The following TPR variants were observed in gnomAD, a reference collection of about 807,000 sequenced individuals.
The protein encoded by TPR is nucleoprotein TPR.
TPR carries 51 observed loss-of-function variants against 316.1 expected under a neutral mutation model. The ratio of observed to expected loss-of-function variants is 0.16; its 90% confidence interval spans 0.13 to 0.20. The LOEUF is 0.20. Among genes scored for constraint, TPR ranks in the 10% least tolerant of loss-of-function variants. The pLI, the probability that TPR is intolerant of heterozygous loss-of-function variation, is 1.00. For missense variants in TPR, 2,272 were observed against 2,754.8 expected (o/e 0.82, Z 3.92); for synonymous variants, 981 against 914.7 (o/e 1.07, Z -1.31).
intron 45 of TPR, among the ~76,000 whole-genome samples, chr1:186,321,777 A>C (rs1022818826): frequency 1.3e-5 from 2 of 151,468 alleles, no homozygotes; most frequent in Non-Finnish European, 2.9e-5. Context: ...TTTACATTAC[A>C]GTTAGTTGCT....
chr1:186,327,579 G>C lies in TPR; in HGVS notation c.5770C>G (p.Gln1924Glu). The change falls in exon 40 of 51, where the codon CAA becomes GAA. Residue 1924 changes from glutamine (Q) to glutamate (E), a missense_variant. Gln to Glu is a conservative substitution (Grantham distance 29). Transcript: ENST00000367478. ...GAAGTTGTCGTCTGCTGATCTGATT[G>C]AAGTGGCCCAAGATCTATTTGTAGA... Reference protein sequence around the residue: ...QSLQIDLGPLQSDQQTTTSSQ... With the variant: ...QSLQIDLGPLESDQQTTTSSQ... 1.2e-6 allele frequency: 2 copies of C among 1,612,670 alleles called. No homozygotes were observed. Among genetic ancestry groups the C allele is most frequent in the South Asian group, 2.2e-5 (2 of 91,066 alleles).
chr1:186,366,442 T>C (rs1186525821), intron 4 of TPR, among the ~76,000 whole-genome samples: 1 of 152,214 alleles, frequency 6.6e-6, no homozygotes, highest in African/African-American at 2.4e-5. Context: ...CTACTGTGTA[T>C]GTTATTGGTA....
chr1:186,315,206 C>CA (rs200336536), intron 49 of TPR, among the ~76,000 whole-genome samples: 17,324 of 110,924 alleles, frequency 0.16, 1,212 homozygotes, highest in Middle Eastern at 0.3. Context: ...GGCCCTGTCT[C>CA]AAAAAAAAAA....
At chr1:186,339,608 T>C (rs1437013851) in intron 30 of TPR, 34 bp downstream of exon 30, 5 of 1,449,178 alleles carry the variant, frequency 3.5e-6, no homozygotes, top group Non-Finnish European at 3.6e-6. Flanking sequence ...ACTTCTTTTA[T>C]ATTATATATG....
intron 21 of TPR, 62 bp from the exon 22 acceptor site, chr1:186,347,520 T>A (rs866224801): frequency 6.5e-7 from 1 of 1,528,462 alleles, no homozygotes; most frequent in Non-Finnish European, 8.8e-7. Flanking sequence ...ATGACTGTTA[T>A]AAAGAGCTTA....
In TPR at chr1:186,335,691, G is replaced by A. The variant is rs533485280; in HGVS notation, c.4706-148C>T. 773 of 501,236 alleles carry A rather than the reference G, an allele frequency of 1.5e-3. 2 individuals carry two copies. The highest frequency in any genetic ancestry group is 2.2e-3 in the Non-Finnish European group (662 of 296,064). 31.0% of individuals were successfully genotyped at this position (501,236 alleles called of 1,614,324 possible). On this transcript the variant is annotated intron_variant, in intron 33 of 50. Transcript: ENST00000367478. ...TACATCATACATCTCAATGAGCAAA[G>A]TTCTAAGTACATTCATGCTTTAACT...
At chr1:186,362,790 T>C (rs897063466) in intron 6 of TPR, 47 bp downstream of exon 6, 6 of 1,487,550 alleles carry the variant, frequency 4.0e-6, no homozygotes, top group South Asian at 3.8e-5. Context: ...GACATACAAA[T>C]GTAAGTTATA....
rs535292389 is a variant in TPR, at chr1:186,325,912, G to A, written c.6022-58C>T. On this transcript the variant is annotated intron_variant, in intron 41 of 50. Coordinates refer to ENST00000367478, the MANE Select transcript of TPR (RefSeq NM_003292.3). Reference sequence around the variant, plus strand: ...ATAAAATAAATATGTTAAAAAAACCGGACAGAATAATTAACCAAACCAAAC... The same window carrying A: ...ATAAAATAAATATGTTAAAAAAACCAGACAGAATAATTAACCAAACCAAAC... 296 of 1,584,400 alleles carry A rather than the reference G, an allele frequency of 1.9e-4. 1 individual carries two copies. The highest frequency in any genetic ancestry group is 3.0e-4 in the Admixed American group (17 of 56,546).
chr1:186,360,013 GGTT>G lies in TPR; in HGVS notation c.1192-20_1192-18del, dbSNP rs1659136400. 1.9e-6 allele frequency: 3 copies of G among 1,599,492 alleles called. No individual in the cohort carries two copies. The highest frequency in any genetic ancestry group is 2.7e-5 in the African/African-American group (2 of 74,022). ...ATTATAGAGCTGAAAGTAGACAAAG[GGTT>G]GTTTCAAATCTAACCATAACAACGC... On this transcript the variant is annotated intron_variant, in intron 11 of 50. Transcript: ENST00000367478.
In TPR at chr1:186,355,496, C is replaced by T. The variant is rs1487020429; in HGVS notation, c.2085G>A (p.Glu695=). Residue 695 remains glutamate, a synonymous_variant, in exon 17 of 51, where the codon GAG becomes GAA. Coordinates refer to ENST00000367478, the MANE Select transcript of TPR (RefSeq NM_003292.3). ...CTTGTTCTTGAAGTTTCTCAAGCTG[C>T]TCATTTTGTATTTTTTCATTTTCTG... ...EKAENEKIQN[E]QLEKLQEQVT... The T allele has an allele frequency of 1.9e-6, 3 of 1,612,396 alleles. No homozygotes were observed. The highest frequency in any genetic ancestry group is 2.5e-6 in the Non-Finnish European group (3 of 1,179,726).
intron 18 of TPR, among the ~76,000 whole-genome samples, chr1:186,352,777 T>C (rs1271500597): frequency 6.6e-6 from 1 of 152,178 alleles, no homozygotes. Context: ...GTTCAAGTCC[T>C]AACCAACCCA....
rs766315036 is a variant in TPR, at chr1:186,345,597, G to A, written c.3196C>T (p.Arg1066Cys). ...ATACTTACTTGTTCCTGACAGTCAC[G>A]TCTGGCTTGCTGCTCATTACTTAAA... Reference protein sequence around the residue: ...TALSNEQQARRDCQEQAKIAV... With the variant: ...TALSNEQQARCDCQEQAKIAV... Residue 1066 changes from arginine (R) to cysteine (C), a missense_variant, in exon 24 of 51, where the codon CGT (arginine) becomes TGT (cysteine). Arg to Cys is a radical substitution (Grantham distance 180). Around this residue, in one of 10 missense-constraint regions of TPR, gnomAD observed 757 missense variants for 859.8 expected, o/e 0.88. Coordinates refer to ENST00000367478, the MANE Select transcript of TPR (RefSeq NM_003292.3). 15 of 1,612,942 alleles carry A rather than the reference G, an allele frequency of 9.3e-6. No individual in the cohort carries two copies. The highest frequency in any genetic ancestry group is 6.7e-5 in the African/African-American group (5 of 74,880).
chr1:186,341,511 C>A, intron 27 of TPR, 122 bp from the exon 28 acceptor site: 2 of 1,137,308 alleles, frequency 1.8e-6, no homozygotes, highest in Non-Finnish European at 2.4e-6. Flanking sequence ...ACTTTTAGAA[C>A]TAAAATTTTT....
At chr1:186,314,057 T>C (rs1036312588) in intron 50 of TPR, 31 bp from the exon 51 acceptor site, 1 of 1,596,028 alleles carries the variant, frequency 6.3e-7, no homozygotes, top group Non-Finnish European at 8.5e-7. Context: ...AAATTGAATA[T>C]ATCTTTTAAG....
chr1:186,339,168 G>A (rs763182540), intron 30 of TPR, among the ~76,000 whole-genome samples: 1 of 152,040 alleles, frequency 6.6e-6, no homozygotes, highest in Non-Finnish European at 1.5e-5. Flanking sequence ...GATGGCTCAT[G>A]CCTGTAATCC....
rs769916058 is a variant in TPR at position 186,334,330 on chromosome 1, T to A, written c.5177A>T (p.Gln1726Leu). The change falls in exon 36 of 51, where the codon CAG becomes CTG. Residue 1726 changes from glutamine to leucine, a missense_variant. Transcript: ENST00000367478. Reference sequence around the variant, plus strand: ...ATCTGTATTATTTTACTAACCTTCCTGTGATTCCACTTGTGTAGTGGGCAT... The same window carrying A: ...ATCTGTATTATTTTACTAACCTTCCAGTGATTCCACTTGTGTAGTGGGCAT... The part of the protein sequence containing the change: ...TVMPTTQVES[Q>L]EAMQSEGPVE... 19 of 1,611,214 alleles carry A rather than the reference T, an allele frequency of 1.2e-5. No homozygotes were observed. Among genetic ancestry groups the A allele is most frequent in the Admixed American group, 8.4e-5 (5 of 59,744 alleles).
chr1:186,323,915 C>CA (rs1186464539), intron 42 of TPR, 45 bp from the exon 43 acceptor site: 1 of 1,507,082 alleles, frequency 6.6e-7, no homozygotes, highest in Non-Finnish European at 8.8e-7. Context: ...AAATTTACCA[C>CA]AAAAAAACTT....
rs933326255 is a variant in TPR at position 186,327,398 on chromosome 1, A to T, written c.5889+62T>A. 5.2e-6 allele frequency: 8 copies of T among 1,544,746 alleles called. No homozygotes were observed. In the African/African-American group the frequency reaches 1.0e-4, roughly 19 times the overall value. On this transcript the variant is annotated intron_variant, in intron 40 of 50. Coordinates refer to ENST00000367478, the MANE Select transcript of TPR (RefSeq NM_003292.3). ...TTTACAGCCAATGCATTAGTATCCC[A>T]AGGATTTGAGCACTTTCATCCAATA...
chr1:186,317,922 T>C (rs1002158837), intron 48 of TPR, among the ~76,000 whole-genome samples: 1 of 152,204 alleles, frequency 6.6e-6, no homozygotes, highest in Non-Finnish European at 1.5e-5. Context: ...TTGATAAATC[T>C]CAAAACAACA....
Sources: gnomAD v4.1 joint callset for allele counts (sites outside exome capture counted in the v4.1 genomes callset) on GRCh38, gnomAD v4.1.1 for gene constraint, gnomAD v4.1.1 regional missense constraint, MANE v1.5 for transcripts, NCBI Gene and HGNC (gene_info 2026-07-23, HGNC 2026-07-21) for gene names.